The following THSD4 variants were observed in gnomAD, a reference collection of about 807,000 sequenced individuals.
THSD4 encodes the protein thrombospondin type-1 domain-containing protein 4.
A neutral mutation model predicts 119.0 loss-of-function variants in THSD4; 69 were observed. That is an observed-to-expected ratio of 0.58 (90% CI 0.48 to 0.71). The LOEUF (loss-of-function observed/expected upper bound fraction) is 0.71, where lower values mean the gene tolerates loss of function less well. THSD4 is among the 30% of genes least tolerant of loss of function. The pLI is 0.00. For synonymous variants in THSD4, 524 were observed against 540.4 expected, an observed-to-expected ratio of 0.97 and a Z score of 0.42; for missense variants, 1,393 against 1,391.1, an observed-to-expected ratio of 1.00 and a Z score of -0.02.
intron 6 of THSD4, among the ~76,000 whole-genome samples, chr15:71,336,254 G>C (rs751119028): frequency 7.9e-5 from 12 of 152,120 alleles, no homozygotes; most frequent in Non-Finnish European, 1.6e-4. Flanking sequence ...GAGTGGTGAG[G>C]GCCCAAAGAT....
intron 1 of THSD4, among the ~76,000 whole-genome samples, chr15:71,117,461 A>T (rs953973127): frequency 2.0e-5 from 3 of 151,890 alleles, no homozygotes; most frequent in Admixed American, 6.6e-5. Flanking sequence ...TTTTATCCTA[A>T]TTGCTGGGAG....
chr15:71,691,258 T>G (rs2052043367), intron 8 of THSD4, among the ~76,000 whole-genome samples: 1 of 152,206 alleles, frequency 6.6e-6, no homozygotes, highest in Non-Finnish European at 1.5e-5. Context: ...CAAAATCCAT[T>G]TCAGACTTCT....
At chr15:71,406,381 A>G (rs1286237407) in intron 6 of THSD4, among the ~76,000 whole-genome samples, 1 of 152,288 alleles carries the variant, frequency 6.6e-6, no homozygotes, top group African/African-American at 2.4e-5. Context: ...ATTGCCTTAT[A>G]GTATTGTTCA....
chr15:71,433,704 A>G (rs917735886), intron 7 of THSD4, among the ~76,000 whole-genome samples: 6 of 152,112 alleles, frequency 3.9e-5, no homozygotes, highest in African/African-American at 1.2e-4. Flanking sequence ...AGCTGTGAAG[A>G]TGATGCCAGG....
At chr15:71,731,244 G>T (rs1035077076) in intron 10 of THSD4, 27 bp downstream of exon 10, 2 of 1,603,364 alleles carry the variant, frequency 1.2e-6, no homozygotes, top group Non-Finnish European at 1.7e-6. Flanking sequence ...TGTGGCCGGG[G>T]ACTCTGGTCA....
chr15:71,189,077 T>G (rs970887339), intron 3 of THSD4: 1 of 152,306 alleles, frequency 6.6e-6, no homozygotes, highest in Admixed American at 6.5e-5. Context: ...GGACACACCC[T>G]AAGCCAGCTG....
At chr15:71,107,408 CA>C (rs1267640134) in intron 1 of THSD4, among the ~76,000 whole-genome samples, 10 of 145,802 alleles carry the variant, frequency 6.9e-5, no homozygotes, top group African/African-American at 2.5e-4. Flanking sequence ...AGAAAGAAAG[CA>C]AAAGAAAAGA....
At chr15:71,675,020 T>C (rs2051611517) in intron 8 of THSD4, among the ~76,000 whole-genome samples, 1 of 152,246 alleles carries the variant, frequency 6.6e-6, no homozygotes, top group African/African-American at 2.4e-5. Context: ...GACCGTTTTA[T>C]GTACCATTAA....
intron 6 of THSD4, among the ~76,000 whole-genome samples, chr15:71,337,366 G>T (rs572638227): frequency 6.6e-6 from 1 of 152,332 alleles, no homozygotes; most frequent in South Asian, 2.1e-4. Context: ...AGTGGGCAGA[G>T]CCTGAGGCAG....
intron 7 of THSD4, among the ~76,000 whole-genome samples, chr15:71,478,462 A>G (rs139377536): frequency 9.5e-4 from 144 of 152,342 alleles, no homozygotes; most frequent in African/African-American, 3.2e-3. Context: ...CTATTTATTA[A>G]GCAGAAAAAT....
chr15:71,634,738 T>G (rs1469803802), intron 7 of THSD4, among the ~76,000 whole-genome samples: 2 of 152,194 alleles, frequency 1.3e-5, no homozygotes, highest in South Asian at 2.1e-4. Context: ...AAGGGAGATA[T>G]GCTGCTCCAC....
Position 71,231,564 on chromosome 15 carries a change from A to G in THSD4, c.465-11085A>G, listed in dbSNP as rs529731967. Among the ~76,000 whole-genome samples the G allele has an allele frequency of 8.5e-5, 13 of 152,146 alleles. No homozygotes were observed. In the East Asian group the frequency reaches 1.9e-3, roughly 23 times the overall value. Reference sequence around the variant, plus strand: ...TTCACTTTGTTGGAACACATTTGTCATTCCTTCCTGTGGCCATACCCCCCA... The same window carrying G: ...TTCACTTTGTTGGAACACATTTGTCGTTCCTTCCTGTGGCCATACCCCCCA... On this transcript the variant is annotated intron_variant, in intron 4 of 17. Coordinates refer to ENST00000261862, the MANE Select transcript of THSD4 (RefSeq NM_024817.3).
At chr15:71,566,737 C>A (rs965226282) in intron 7 of THSD4, among the ~76,000 whole-genome samples, 2 of 151,866 alleles carry the variant, frequency 1.3e-5, no homozygotes, top group East Asian at 1.9e-4. Context: ...CCAGGGCCCC[C>A]CCTCTTTCCC....
chr15:71,384,438 C>T lies in THSD4; in HGVS notation c.1016-27249C>T, dbSNP rs572896738. Among the ~76,000 whole-genome samples, 53 of 152,162 alleles carry T rather than the reference C, an allele frequency of 3.5e-4. 1 individual carries two copies. In the South Asian group the frequency reaches 0.011, roughly 30 times the overall value. ...GTGTGCCTGGATTCAGCATGGATAG[C>T]ACTGAAAAAGATGAAGCCTTCCTTT... On this transcript the variant is annotated intron_variant, in intron 6 of 17. Coordinates refer to ENST00000261862, the MANE Select transcript of THSD4 (RefSeq NM_024817.3).
At chr15:71,216,948 C>G (rs1013276528) in intron 4 of THSD4, among the ~76,000 whole-genome samples, 1 of 152,144 alleles carries the variant, frequency 6.6e-6, no homozygotes, top group African/African-American at 2.4e-5. Context: ...AGGCATGCAC[C>G]ACCATACCCA....
intron 3 of THSD4, among the ~76,000 whole-genome samples, chr15:71,212,500 GTTAATGAGA>G (rs1293436443): frequency 6.6e-6 from 1 of 152,226 alleles, no homozygotes; most frequent in Non-Finnish European, 1.5e-5. Flanking sequence ...AGTTATCTGT[GTTAATGAGA>G]GATCAGGAGG....
chr15:71,392,304 T>C (rs1421050385), intron 6 of THSD4, among the ~76,000 whole-genome samples: 2 of 152,142 alleles, frequency 1.3e-5, no homozygotes, highest in East Asian at 3.9e-4. Flanking sequence ...GGAGAAGAGG[T>C]TAACTTTTAT....
chr15:71,371,886 T>C (rs2046055471), intron 6 of THSD4, among the ~76,000 whole-genome samples: 2 of 152,210 alleles, frequency 1.3e-5, no homozygotes, highest in African/African-American at 4.8e-5. Context: ...TCCAACTTGG[T>C]TCCATTCTCC....
intron 5 of THSD4, among the ~76,000 whole-genome samples, chr15:71,254,346 G>C (rs1056290388): frequency 6.6e-6 from 1 of 152,226 alleles, no homozygotes; most frequent in African/African-American, 2.4e-5. Context: ...ATCTGTAAAT[G>C]AAAGGGGTTG....
Sources: allele counts gnomAD v4.1 joint callset (sites outside exome capture counted in the v4.1 genomes callset), GRCh38; gene constraint gnomAD v4.1.1; transcripts MANE v1.5; gene names NCBI Gene and HGNC (gene_info 2026-07-23, HGNC 2026-07-21).